The following FBXL20 variants were observed in gnomAD, a reference collection of about 807,000 sequenced individuals.
FBXL20 encodes the protein F-box and leucine rich repeat protein 20, also known as F-box/LRR-repeat protein 20.
A neutral mutation model predicts 64.0 loss-of-function variants in FBXL20; 11 were observed. The observed-to-expected ratio is 0.17, with a 90% CI of 0.11 to 0.28. The LOEUF is 0.28. FBXL20 is among the 10% of genes least tolerant of loss of function. The pLI, the probability that FBXL20 is intolerant of heterozygous loss-of-function variation, is 1.00. For synonymous variants in FBXL20, 184 were observed against 189.0 expected (o/e 0.97, Z 0.22); for missense variants, 303 against 526.2 (o/e 0.58, Z 4.15).
At chr17:39,401,203 G>A (rs2048239088) in intron 1 of FBXL20, among the ~76,000 whole-genome samples, 158 bp downstream of exon 1, 1 of 152,222 alleles carries the variant, frequency 6.6e-6, no homozygotes, top group Non-Finnish European at 1.5e-5. Context: ...GCTGCGCTGG[G>A]CTTCTGGGTC....
At chr17:39,376,624 C>T (rs538283484) in intron 1 of FBXL20, among the ~76,000 whole-genome samples, 7 of 152,152 alleles carry the variant, frequency 4.6e-5, no homozygotes, top group African/African-American at 7.2e-5. Context: ...CAAAGTGTGC[C>T]CCTACACAAA....
chr17:39,339,458 CTT>C (rs1597807067), intron 2 of FBXL20, among the ~76,000 whole-genome samples: 1 of 152,200 alleles, frequency 6.6e-6, no homozygotes, highest in South Asian at 2.1e-4. Context: ...CAGCAGGAGA[CTT>C]TTCTGTATTC....
At chr17:39,347,025 C>CT (rs2047640413) in intron 1 of FBXL20, among the ~76,000 whole-genome samples, 1 of 152,084 alleles carries the variant, frequency 6.6e-6, no homozygotes, top group African/African-American at 2.4e-5. Flanking sequence ...TGAACTCATC[C>CT]TTTTTTATGG....
At chr17:39,373,007 C>T (rs1008475151) in intron 1 of FBXL20, among the ~76,000 whole-genome samples, 6 of 145,638 alleles carry the variant, frequency 4.1e-5, no homozygotes, top group African/African-American at 1.3e-4. Context: ...TTTTTCTTTT[C>T]TTTTTTTTTT....
chr17:39,401,215 C>CA (rs2048239210), intron 1 of FBXL20, 146 bp downstream of exon 1: 1 of 1,515,064 alleles, frequency 6.6e-7, no homozygotes, highest in Non-Finnish European at 8.9e-7. Flanking sequence ...TTCTGGGTCG[C>CA]AAGAAAGGGG....
intron 2 of FBXL20, among the ~76,000 whole-genome samples, chr17:39,336,539 TAGA>T (rs1222651408): frequency 6.6e-6 from 1 of 152,016 alleles, no homozygotes; most frequent in East Asian, 1.9e-4. Flanking sequence ...TTAATGAAAG[TAGA>T]AGGTTGGGGG....
intron 14 of FBXL20, chr17:39,263,762 G>A (rs574702922): frequency 1.9e-5 from 3 of 161,828 alleles, no homozygotes; most frequent in Admixed American, 1.8e-4. Flanking sequence ...ATGAATCCCA[G>A]GAAGAGGGCT....
intron 1 of FBXL20, among the ~76,000 whole-genome samples, chr17:39,393,970 A>G (rs1175761976): frequency 1.3e-5 from 2 of 152,334 alleles, no homozygotes; most frequent in African/African-American, 4.8e-5. Flanking sequence ...AATGTTTTAT[A>G]TATCTAATGA....
At chr17:39,400,613 A>G (rs950169605) in intron 1 of FBXL20, among the ~76,000 whole-genome samples, 3 of 152,200 alleles carry the variant, frequency 2.0e-5, no homozygotes, top group Non-Finnish European at 4.4e-5. Flanking sequence ...TCCTTGCAAG[A>G]TGACTACTCT....
intron 2 of FBXL20, among the ~76,000 whole-genome samples, chr17:39,315,903 G>A (rs1444288466): frequency 6.7e-6 from 1 of 150,018 alleles, no homozygotes; most frequent in African/African-American, 2.4e-5. Flanking sequence ...TAAAATCAGG[G>A]GAACTGAGTA....
chr17:39,322,751 A>C (rs1039337133), intron 2 of FBXL20, among the ~76,000 whole-genome samples: 1 of 152,154 alleles, frequency 6.6e-6, no homozygotes, highest in Non-Finnish European at 1.5e-5. Context: ...GGAAATAAAA[A>C]AAACAAACAA....
At chr17:39,375,749 C>T (rs575944539) in intron 1 of FBXL20, among the ~76,000 whole-genome samples, 4 of 152,168 alleles carry the variant, frequency 2.6e-5, no homozygotes, top group South Asian at 4.1e-4. Context: ...TCAAGAAAAA[C>T]GGCTGAATCT....
At chr17:39,289,263 G>GA (rs2047016431) in intron 6 of FBXL20, among the ~76,000 whole-genome samples, 1 of 152,106 alleles carries the variant, frequency 6.6e-6, no homozygotes, top group Non-Finnish European at 1.5e-5. Context: ...CATGAATTTA[G>GA]AATCAGCCTT....
chr17:39,268,445 C>T (rs2046811424), intron 12 of FBXL20, among the ~76,000 whole-genome samples: 1 of 152,068 alleles, frequency 6.6e-6, no homozygotes, highest in Admixed American at 6.6e-5. Context: ...GTCAGGTCTC[C>T]AGGGCTAACG....
At chr17:39,261,631 T>C in intron 14 of FBXL20, 64 bp from the exon 15 acceptor site, 1 of 1,302,936 alleles carries the variant, frequency 7.7e-7, no homozygotes, top group Non-Finnish European at 1.1e-6. Flanking sequence ...CAATGTTGGT[T>C]CTTAGAAAAA....
At chr17:39,381,655 G>C (rs1567904308) in intron 1 of FBXL20, among the ~76,000 whole-genome samples, 1 of 152,032 alleles carries the variant, frequency 6.6e-6, no homozygotes, top group Non-Finnish European at 1.5e-5. Context: ...GCTGGGTATG[G>C]TGGTGTACAC....
At chr17:39,398,936 G>A (rs1340141253) in intron 1 of FBXL20, among the ~76,000 whole-genome samples, 1 of 152,102 alleles carries the variant, frequency 6.6e-6, no homozygotes, top group Non-Finnish European at 1.5e-5. Context: ...GCCTCCCAAA[G>A]TGCTGGGATT....
intron 11 of FBXL20, among the ~76,000 whole-genome samples, chr17:39,269,382 A>T (rs1401967667): frequency 6.6e-6 from 1 of 151,312 alleles, no homozygotes; most frequent in Non-Finnish European, 1.5e-5. Flanking sequence ...TTTAGTAGAG[A>T]CGGGGTTTCA....
chr17:39,334,474 A>G (rs1315458886), intron 2 of FBXL20, among the ~76,000 whole-genome samples: 3 of 146,370 alleles, frequency 2.0e-5, no homozygotes, highest in Admixed American at 2.0e-4. Flanking sequence ...AATAAATACT[A>G]AAAAAATTAA....
Sources: gnomAD v4.1 joint callset for allele counts (sites outside exome capture counted in the v4.1 genomes callset) on GRCh38, gnomAD v4.1.1 for gene constraint, MANE v1.5 for transcripts, NCBI Gene and HGNC (gene_info 2026-07-23, HGNC 2026-07-21) for gene names.